Variants in ADCY8 observed in about 807,000 individuals in gnomAD.
ADCY8 encodes the protein adenylate cyclase 8, also known as adenylate cyclase type 8.
ADCY8 carries 51 observed loss-of-function variants against 119.7 expected under a neutral mutation model. The observed-to-expected ratio is 0.43, with a 90% CI of 0.34 to 0.54. The LOEUF (loss-of-function observed/expected upper bound fraction) is 0.54. Among genes scored for constraint, ADCY8 ranks in the 20% least tolerant of loss-of-function variants. ADCY8 has a pLI of 0.03. For missense variants in ADCY8, 1,383 were observed against 1,598.8 expected, an observed-to-expected ratio of 0.87 and a Z score of 2.30; for synonymous variants, 665 against 651.0, an observed-to-expected ratio of 1.02 and a Z score of -0.33.
intron 14 of ADCY8, among the ~76,000 whole-genome samples, chr8:130,808,804 G>T (rs1816066591): frequency 6.6e-6 from 1 of 152,148 alleles, no homozygotes; most frequent in Non-Finnish European, 1.5e-5. Flanking sequence ...CCTGGCGTAG[G>T]TCACACAGCT....
chr8:130,808,525 G>C (rs1816054656), intron 14 of ADCY8, among the ~76,000 whole-genome samples: 1 of 152,140 alleles, frequency 6.6e-6, no homozygotes, highest in Admixed American at 6.6e-5. Context: ...GCACAACAAG[G>C]GGCATGAGGA....
At chr8:130,919,835 G>A (rs1380311571) in intron 5 of ADCY8, among the ~76,000 whole-genome samples, 1 of 152,116 alleles carries the variant, frequency 6.6e-6, no homozygotes, top group Non-Finnish European at 1.5e-5. Flanking sequence ...TCTGTGCTTT[G>A]TGTCTTGCTT....
chr8:130,879,754 A>C (rs1443539364), intron 8 of ADCY8, among the ~76,000 whole-genome samples: 1 of 152,216 alleles, frequency 6.6e-6, no homozygotes, highest in Non-Finnish European at 1.5e-5. Context: ...TTACTGTGTA[A>C]GTGAATATTT....
intron 2 of ADCY8, 119 bp from the exon 3 acceptor site, chr8:130,952,117 A>T: frequency 9.0e-7 from 1 of 1,113,750 alleles, no homozygotes; most frequent in East Asian, 2.4e-5. Context: ...TGCTAATTTC[A>T]TACCATTCTA....
intron 11 of ADCY8, among the ~76,000 whole-genome samples, chr8:130,845,176 TACCC>T (rs1817259225): frequency 6.6e-6 from 1 of 152,180 alleles, no homozygotes; most frequent in African/African-American, 2.4e-5. Context: ...TCAAAAATCT[TACCC>T]ACCACTTTCT....
Position 131,007,594 on chromosome 8 carries a change from G to C in ADCY8, c.961-17052C>G, listed in dbSNP as rs190378870. On this transcript the variant is annotated intron_variant, in intron 1 of 17. Coordinates refer to ENST00000286355, the MANE Select transcript of ADCY8 (RefSeq NM_001115.3). ...GCTTAGCAGTCACCAGCATACAGTA[G>C]ATGCCCAGTAAATTATTGCTAGATA... 1.5e-3 allele frequency among the ~76,000 whole-genome samples: 228 copies of C among 152,354 alleles called. 1 individual carries two copies. Among genetic ancestry groups the C allele is most frequent in the Middle Eastern group, 0.01 (3 of 294 alleles).
intron 15 of ADCY8, among the ~76,000 whole-genome samples, chr8:130,788,169 CG>C (rs965072586): frequency 7.6e-4 from 115 of 152,232 alleles, no homozygotes; most frequent in African/African-American, 2.7e-3. Flanking sequence ...GCAGTGAACA[CG>C]GGAGTGCAGA....
rs1228000394 is a variant in ADCY8 at position 131,040,457 on chromosome 8, G to A, written c.-124C>T. ...GATCCTTTTTATCCTAGGCTGCCCC[G>A]TTGCAGGAGCCCTGCGCTAGGGCTC... On this transcript the variant is annotated 5_prime_UTR_variant, in exon 1 of 18. It adds an upstream start codon to the 5' untranslated region. Coordinates refer to ENST00000286355, the MANE Select transcript of ADCY8 (RefSeq NM_001115.3). 1.6e-6 allele frequency: 2 copies of A among 1,233,214 alleles called. No homozygotes were observed. Among genetic ancestry groups the A allele is most frequent in the Non-Finnish European group, 1.0e-6 (1 of 953,764 alleles). The allele number at this position is 1,233,214 out of a possible 1,614,324, so 76.4% of individuals were successfully genotyped here. A position where few individuals can be genotyped will look rare whatever the true frequency, so the allele number is the denominator to read the frequency against.
In ADCY8 at chr8:130,909,809, G is replaced by C. The variant is rs574148092; in HGVS notation, c.1539C>G (p.Gly513=). 20 of 1,614,022 alleles carry C rather than the reference G, an allele frequency of 1.2e-5. 1 individual carries two copies. The highest frequency in any genetic ancestry group is 1.7e-5 in the Non-Finnish European group (20 of 1,180,032). Residue 513 remains glycine (G), a synonymous_variant, in exon 6 of 18, where the codon GGC becomes GGG. Coordinates refer to ENST00000286355, the MANE Select transcript of ADCY8 (RefSeq NM_001115.3). ...GTCCCAAAACACCGCACAGCACCGAGCCGGAGTGGATTCCAATCCTCATGT... is the reference window on the plus strand; with the variant it reads ...GTCCCAAAACACCGCACAGCACCGACCCGGAGTGGATTCCAATCCTCATGT... ...DVDMRIGIHS[G]SVLCGVLGLR... is the part of the protein sequence containing the mutation.
At chr8:130,843,094 A>G (rs1817197444) in intron 11 of ADCY8, among the ~76,000 whole-genome samples, 1 of 152,152 alleles carries the variant, frequency 6.6e-6, no homozygotes, top group Non-Finnish European at 1.5e-5. Flanking sequence ...CACATATTAA[A>G]TTATTTTAAA....
chr8:130,943,890 T>C (rs1336342314), intron 3 of ADCY8, among the ~76,000 whole-genome samples: 3 of 152,130 alleles, frequency 2.0e-5, no homozygotes, highest in African/African-American at 7.2e-5. Context: ...GAAAACCTCA[T>C]CATCTTGAAC....
intron 2 of ADCY8, among the ~76,000 whole-genome samples, chr8:130,983,084 C>G (rs1419734593): frequency 6.6e-6 from 1 of 152,124 alleles, no homozygotes; most frequent in Non-Finnish European, 1.5e-5. Context: ...ATTTAGTTTC[C>G]TGGCAGGACA....
chr8:130,973,510 C>A (rs1265402947), intron 2 of ADCY8, among the ~76,000 whole-genome samples: 1 of 152,228 alleles, frequency 6.6e-6, no homozygotes, highest in Non-Finnish European at 1.5e-5. Flanking sequence ...AAATACTAGG[C>A]ATGTGAGTGA....
intron 11 of ADCY8, 62 bp from the exon 12 acceptor site, chr8:130,836,511 T>G (rs1265237139): frequency 3.2e-6 from 5 of 1,543,310 alleles, no homozygotes; most frequent in Non-Finnish European, 4.4e-6. Flanking sequence ...CTCCTAGCCA[T>G]GGATGCTAGT....
chr8:130,934,376 G>A (rs1415841345), intron 5 of ADCY8, among the ~76,000 whole-genome samples: 2 of 150,218 alleles, frequency 1.3e-5, no homozygotes, highest in East Asian at 1.9e-4. Context: ...GAGGAAGAGA[G>A]CAAAGAAGGA....
intron 1 of ADCY8, among the ~76,000 whole-genome samples, chr8:130,994,806 C>T (rs1278069525): frequency 1.3e-5 from 2 of 152,154 alleles, no homozygotes; most frequent in Non-Finnish European, 2.9e-5. Flanking sequence ...ACTTAATACA[C>T]CACAAAATAT....
chr8:130,817,536 A>G (rs145375313), intron 13 of ADCY8, among the ~76,000 whole-genome samples: 8 of 152,316 alleles, frequency 5.3e-5, no homozygotes, highest in African/African-American at 1.7e-4. Flanking sequence ...GGAGTCTATC[A>G]GAGACTACCA....
intron 14 of ADCY8, among the ~76,000 whole-genome samples, chr8:130,812,258 A>G (rs539700088): frequency 7.4e-5 from 11 of 149,586 alleles, no homozygotes; most frequent in African/African-American, 2.5e-4. Flanking sequence ...GGAAATGACC[A>G]TCGCCCATGG....
At chr8:130,893,561 A>G (rs1011460428) in intron 7 of ADCY8, among the ~76,000 whole-genome samples, 1 of 152,168 alleles carries the variant, frequency 6.6e-6, no homozygotes, top group African/African-American at 2.4e-5. Flanking sequence ...CAGGAAATGA[A>G]TAAACAAACA....
Sources: allele counts gnomAD v4.1 joint callset (sites outside exome capture counted in the v4.1 genomes callset), GRCh38; gene constraint gnomAD v4.1.1; transcripts MANE v1.5; gene names NCBI Gene and HGNC (gene_info 2026-07-23, HGNC 2026-07-21).